The following TADA2A variants were observed in gnomAD, a reference collection of about 807,000 sequenced individuals.
The protein encoded by TADA2A is transcriptional adaptor 2A.
TADA2A carries 38 observed loss-of-function variants against 67.4 expected under a neutral mutation model. The observed-to-expected ratio is 0.56, with a 90% CI of 0.44 to 0.74. The LOEUF is 0.74. Among genes scored for constraint, TADA2A ranks in the 30% least tolerant of loss-of-function variants. TADA2A has a pLI of 0.00. For missense variants in TADA2A, 454 were observed against 547.0 expected (o/e 0.83, Z 1.70); for synonymous variants, 192 against 181.6 (o/e 1.06, Z -0.46).
Position 37,476,937 on chromosome 17 carries a change from A to G in TADA2A, c.1287A>G (p.Lys429=), listed in dbSNP as rs1276621951. The change falls in exon 16 of 16, where the codon AAA becomes AAG. Residue 429 remains lysine (K), a synonymous_variant. Coordinates refer to ENST00000615182, the MANE Select transcript of TADA2A (RefSeq NM_001166105.3). The stretch of plus-strand genomic sequence containing the variant: ...AGATAGATGTGAACAAAACCCGGAA[A>G]ATCTATGATTTCCTCATCAGAGAAG... ...LIKIDVNKTR[K]IYDFLIREGY... 1 of 1,613,910 alleles carries G rather than the reference A, an allele frequency of 6.2e-7. No individual in the cohort carries two copies. Among genetic ancestry groups the G allele is most frequent in the East Asian group, 2.2e-5 (1 of 44,884 alleles).
At chr17:37,456,698 G>A (rs1218378033) in intron 8 of TADA2A, among the ~76,000 whole-genome samples, 1 of 152,206 alleles carries the variant, frequency 6.6e-6, no homozygotes, top group Non-Finnish European at 1.5e-5. Context: ...ATTATATGCA[G>A]TAGGAACTGG....
intron 2 of TADA2A, 143 bp from the exon 3 acceptor site, chr17:37,423,366 T>A (rs146211206): frequency 2.0e-5 from 12 of 591,932 alleles, no homozygotes; most frequent in East Asian, 8.8e-5. Context: ...TGCTTTTTTT[T>A]ATTTGTAATG....
In TADA2A at chr17:37,440,541, G is replaced by A; in HGVS notation, c.321G>A (p.Lys107=). The change falls in exon 6 of 16, where the codon AAG becomes AAA. Residue 107 remains lysine, a synonymous_variant. Coordinates refer to ENST00000615182, the MANE Select transcript of TADA2A (RefSeq NM_001166105.3). The part of the protein sequence containing the change: ...DVANQMCTKT[K]EECEKHYMKH... The stretch of plus-strand genomic sequence containing the variant: ...CCAATCAAATGTGCACCAAGACCAA[G>A]GAGGAGTGTGAGAAGCACTATATGA... 1 of 1,614,102 alleles carries A rather than the reference G, an allele frequency of 6.2e-7. No homozygotes were observed. Among genetic ancestry groups the A allele is most frequent in the East Asian group, 2.2e-5 (1 of 44,876 alleles).
intron 8 of TADA2A, among the ~76,000 whole-genome samples, chr17:37,448,886 T>G (rs910546638): frequency 6.6e-6 from 1 of 152,252 alleles, no homozygotes; most frequent in Non-Finnish European, 1.5e-5. Flanking sequence ...TTTCACTGTA[T>G]TTTTCAAATT....
intron 1 of TADA2A, 101 bp downstream of exon 1, chr17:37,407,050 G>T: frequency 6.8e-6 from 1 of 147,824 alleles, no homozygotes; most frequent in South Asian, 1.8e-4. Context: ...GGTGCGGCGG[G>T]GGAGGAGTCG....
At chr17:37,426,834 G>C (rs1435185788) in intron 3 of TADA2A, 116 bp from the exon 4 acceptor site, 7 of 895,348 alleles carry the variant, frequency 7.8e-6, no homozygotes, top group Non-Finnish European at 1.2e-5. Flanking sequence ...GACAGAACGA[G>C]ACCCTGTCTC....
rs536731313 is a variant in TADA2A, at chr17:37,416,866, C to T, written c.25+5476C>T. Among the ~76,000 whole-genome samples the T allele has an allele frequency of 2.6e-4, 39 of 150,670 alleles. No homozygotes were observed. In the South Asian group the frequency reaches 6.1e-3, roughly 24 times the overall value. On this transcript the variant is annotated intron_variant, in intron 2 of 15. Transcript: ENST00000615182. ...CCAGCCTGCCAGCCTGGCAACAGAA[C>T]GAGAGTCCGCCTCAAAAAAAAAAAA...
At chr17:37,431,152 A>G (rs1244021542) in intron 4 of TADA2A, among the ~76,000 whole-genome samples, 1 of 151,884 alleles carries the variant, frequency 6.6e-6, no homozygotes, top group Non-Finnish European at 1.5e-5. Flanking sequence ...ACTTGTTATT[A>G]TAGAAAAGTT....
intron 2 of TADA2A, among the ~76,000 whole-genome samples, chr17:37,423,148 T>C (rs1388641954): frequency 1.3e-5 from 2 of 152,162 alleles, no homozygotes; most frequent in Non-Finnish European, 2.9e-5. Flanking sequence ...GGAGGATTGC[T>C]TAAGCCCAGG....
At chr17:37,441,562 A>G (rs1401270445) in intron 6 of TADA2A, among the ~76,000 whole-genome samples, 2 of 152,182 alleles carry the variant, frequency 1.3e-5, no homozygotes, top group Non-Finnish European at 2.9e-5. Flanking sequence ...AATGACTCTC[A>G]GGGTACAAGT....
chr17:37,459,069 A>G (rs1347324580), intron 9 of TADA2A, among the ~76,000 whole-genome samples: 1 of 152,110 alleles, frequency 6.6e-6, no homozygotes, highest in African/African-American at 2.4e-5. Flanking sequence ...TACCCTCCTT[A>G]GACCTCAATT....
intron 8 of TADA2A, among the ~76,000 whole-genome samples, chr17:37,455,359 TG>T (rs1000392897): frequency 1.5e-5 from 2 of 131,890 alleles, no homozygotes. Context: ...TTCTGAAGTT[TG>T]TTTTTTTGTT....
chr17:37,449,265 C>T (rs1469773231), intron 8 of TADA2A, among the ~76,000 whole-genome samples: 1 of 152,202 alleles, frequency 6.6e-6, no homozygotes. Flanking sequence ...TCATGGTCCA[C>T]CCGCCTCAGC....
At chr17:37,449,356 A>G (rs1013294911) in intron 8 of TADA2A, among the ~76,000 whole-genome samples, 3 of 152,216 alleles carry the variant, frequency 2.0e-5, no homozygotes, top group African/African-American at 7.2e-5. Context: ...TATTTTAGAC[A>G]TGAATACTAT....
chr17:37,434,149 C>T (rs2052653420), intron 4 of TADA2A, among the ~76,000 whole-genome samples: 1 of 152,166 alleles, frequency 6.6e-6, no homozygotes, highest in Non-Finnish European at 1.5e-5. Flanking sequence ...TTGTTCATGA[C>T]CTTGACAGGT....
intron 3 of TADA2A, among the ~76,000 whole-genome samples, chr17:37,424,903 C>G (rs1297845082): frequency 2.0e-5 from 3 of 151,614 alleles, no homozygotes; most frequent in Non-Finnish European, 1.5e-5. Context: ...GCTCTATCAC[C>G]CAGGCTGGAG....
Position 37,448,255 on chromosome 17 carries a change from C to T in TADA2A, c.604+3487C>T, listed in dbSNP as rs73984232. ...TCCTCACCCACACAAAGATTTTTGC[C>T]TTGAATCATGGAATTTGTTTAATAA... On this transcript the variant is annotated intron_variant, in intron 8 of 15. Transcript: ENST00000615182. 5.9e-3 allele frequency among the ~76,000 whole-genome samples: 904 copies of T among 152,086 alleles called. 11 individuals are homozygous for T. Among genetic ancestry groups the T allele is most frequent in the African/African-American group, 0.021 (873 of 41,486 alleles).
intron 4 of TADA2A, 74 bp from the exon 5 acceptor site, chr17:37,437,664 G>A: frequency 1.5e-6 from 2 of 1,361,956 alleles, no homozygotes; most frequent in Non-Finnish European, 1.0e-6. Context: ...TGGGAGTATA[G>A]GCGTGAGCCA....
intron 3 of TADA2A, 81 bp downstream of exon 3, chr17:37,423,696 T>C: frequency 9.6e-7 from 1 of 1,039,988 alleles, no homozygotes; most frequent in Non-Finnish European, 1.4e-6. Flanking sequence ...TACTGTCAAC[T>C]GCTAAGGAGA....
Sources: gnomAD v4.1 joint callset for allele counts (sites outside exome capture counted in the v4.1 genomes callset) on GRCh38, gnomAD v4.1.1 for gene constraint, MANE v1.5 for transcripts, NCBI Gene and HGNC (gene_info 2026-07-23, HGNC 2026-07-21) for gene names.